Variants in SHANK2 observed in about 807,000 individuals in gnomAD.
The protein encoded by SHANK2 is SH3 and multiple ankyrin repeat domains protein 2.
SHANK2 carries 43 observed loss-of-function variants against 133.7 expected under a neutral mutation model. That is an observed-to-expected ratio of 0.32 (90% confidence interval 0.25 to 0.41). The LOEUF is 0.41. SHANK2 is among the 10% of genes least tolerant of loss of function. The pLI is 1.00. For missense variants in SHANK2, 1,994 were observed against 2,235.8 expected (o/e 0.89, Z 2.18); for synonymous variants, 1,017 against 952.8 (o/e 1.07, Z -1.24).
intron 10 of SHANK2, among the ~76,000 whole-genome samples, chr11:70,929,231 C>T (rs572098781): frequency 1.3e-5 from 2 of 152,118 alleles, no homozygotes; most frequent in Admixed American, 6.6e-5. Flanking sequence ...GACAGGATGC[C>T]GAGGTTTAAA....
intron 3 of SHANK2, among the ~76,000 whole-genome samples, chr11:71,139,607 G>A (rs2135375514): frequency 6.6e-6 from 1 of 152,278 alleles, no homozygotes; most frequent in Non-Finnish European, 1.5e-5. Context: ...AAATAACAGA[G>A]CTCACCAGTT....
At chr11:70,654,914 C>T (rs141541541) in intron 17 of SHANK2, among the ~76,000 whole-genome samples, 4,836 of 152,064 alleles carry the variant, frequency 0.032, 107 homozygotes, top group Non-Finnish European at 0.048. Context: ...ATTTCAGACA[C>T]GCACCACCAC....
intron 25 of SHANK2, chr11:70,477,315 C>G (rs1348259541): frequency 6.6e-6 from 1 of 152,262 alleles, no homozygotes; most frequent in Non-Finnish European, 1.5e-5. Flanking sequence ...GGGGCAGACC[C>G]TGGCTGAAAG....
chr11:70,763,754 G>A (rs1429689216), intron 14 of SHANK2, among the ~76,000 whole-genome samples: 2 of 152,134 alleles, frequency 1.3e-5, no homozygotes, highest in East Asian at 1.9e-4. Flanking sequence ...ACAGGAGGGT[G>A]TCACCCCTAG....
intron 14 of SHANK2, among the ~76,000 whole-genome samples, chr11:70,718,863 G>T (rs1946012407): frequency 1.3e-5 from 2 of 152,138 alleles, no homozygotes; most frequent in African/African-American, 4.8e-5. Context: ...AGAGTGTATG[G>T]CAGGGAGGCA....
chr11:70,502,241 C>T lies in SHANK2; in HGVS notation c.2243G>A (p.Arg748His), dbSNP rs932534804. The T allele has an allele frequency of 4.5e-6, 7 of 1,558,982 alleles. No homozygotes were observed. Among genetic ancestry groups the T allele is most frequent in the East Asian group, 2.3e-5 (1 of 42,576 alleles). The change falls in exon 19 of 26, where the codon CGC becomes CAC. Residue 748 changes from arginine to histidine, a missense_variant. Arg to His is a conservative substitution (Grantham distance 29). Around this residue, in one of 5 missense-constraint regions of SHANK2, gnomAD observed 488 missense variants for 642.6 expected, o/e 0.76. Transcript: ENST00000601538. Reference protein sequence around the residue: ...KRAPTTALTLRSKSMTSELEE... With the variant: ...KRAPTTALTLHSKSMTSELEE... ...CAGCTCCGAGGTCATGGACTTGGAG[C>T]GCAGGGTGAGGGCTGTGGTCGGTGC...
intron 9 of SHANK2, among the ~76,000 whole-genome samples, chr11:71,073,136 C>CTTTTCTTT (rs1951164763): frequency 3.6e-4 from 26 of 72,392 alleles, no homozygotes; most frequent in Non-Finnish European, 5.2e-4. Context: ...TGTTTTTTTT[C>CTTTTCTTT]TTTTTCTTTT....
chr11:70,507,055 A>G (rs1467029620), intron 17 of SHANK2, among the ~76,000 whole-genome samples: 1 of 152,230 alleles, frequency 6.6e-6, no homozygotes, highest in Non-Finnish European at 1.5e-5. Flanking sequence ...AAAGTCTAGA[A>G]TTTCAGTTTT....
chr11:70,502,493 T>C (rs2059069829), intron 18 of SHANK2, among the ~76,000 whole-genome samples: 1 of 151,864 alleles, frequency 6.6e-6, no homozygotes, highest in East Asian at 1.9e-4. Flanking sequence ...CAGGCCCTCA[T>C]GGGTGGGCCT....
At chr11:71,238,037 C>T (rs556839477) in intron 1 of SHANK2, among the ~76,000 whole-genome samples, 9 of 152,338 alleles carry the variant, frequency 5.9e-5, no homozygotes, top group Admixed American at 3.3e-4. Context: ...CATGCACACA[C>T]GGACTGAGGG....
At chr11:70,777,336 T>C (rs1282252868) in intron 14 of SHANK2, among the ~76,000 whole-genome samples, 1 of 148,834 alleles carries the variant, frequency 6.7e-6, no homozygotes, top group Non-Finnish European at 1.5e-5. Flanking sequence ...TCCATCCTTC[T>C]ACCTACCCAT....
At chr11:70,654,763 G>GTCT (rs1555011081) in intron 17 of SHANK2, among the ~76,000 whole-genome samples, 11 of 135,500 alleles carry the variant, frequency 8.1e-5, no homozygotes, top group African/African-American at 2.8e-4. Context: ...TTTTGTTTTT[G>GTCT]TTTTTTTTGT....
intron 8 of SHANK2, among the ~76,000 whole-genome samples, chr11:71,086,103 ATATAT>A (rs1348657125): frequency 1.7e-4 from 8 of 45,726 alleles, no homozygotes; most frequent in South Asian, 1.5e-3. Flanking sequence ...AAATTATATA[ATATAT>A]TATGTTATAT....
At chr11:71,224,270 C>T (rs1258366224) in intron 2 of SHANK2, among the ~76,000 whole-genome samples, 3 of 152,132 alleles carry the variant, frequency 2.0e-5, no homozygotes, top group South Asian at 4.1e-4. Context: ...CACCAGCCCA[C>T]GATCTGCCCT....
At chr11:70,861,141 T>G (rs1555067723) in intron 11 of SHANK2, among the ~76,000 whole-genome samples, 1 of 152,220 alleles carries the variant, frequency 6.6e-6, no homozygotes, top group East Asian at 1.9e-4. Flanking sequence ...AGGCCCAGGT[T>G]AGTAAATCCT....
At chr11:70,885,207 A>AACCGCGCG (rs1949720338) in intron 11 of SHANK2, among the ~76,000 whole-genome samples, 1 of 52,422 alleles carries the variant, frequency 1.9e-5, no homozygotes, top group Non-Finnish European at 8.6e-5. Context: ...GGAACCGCGC[A>AACCGCGCG]GGGACCGCAT....
At position 70,515,609 on chromosome 11, in the gene SHANK2, T is replaced by A. The variant is rs930223574; in HGVS notation, c.2062-12678A>T. Among the ~76,000 whole-genome samples the A allele has an allele frequency of 3.3e-5, 4 of 122,236 alleles. No individual in the cohort carries two copies. In the East Asian group the frequency reaches 1.0e-3, roughly 31 times the overall value. 80.2% of individuals were successfully genotyped at this position (122,236 alleles called of 152,430 possible). A position where few individuals can be genotyped will look rare whatever the true frequency, so the allele number is the denominator to read the frequency against. ...TTGAAGCCAGGAGTTTGAGACCTGCTGGGCAGCATAGTGAGACCTCGTTCC... is the reference window on the plus strand; with the variant it reads ...TTGAAGCCAGGAGTTTGAGACCTGCAGGGCAGCATAGTGAGACCTCGTTCC... On this transcript the variant is annotated intron_variant, in intron 17 of 25. Coordinates refer to ENST00000601538, the MANE Select transcript of SHANK2 (RefSeq NM_012309.5).
intron 10 of SHANK2, among the ~76,000 whole-genome samples, chr11:70,915,531 G>T (rs1056958587): frequency 5.3e-5 from 8 of 152,126 alleles, no homozygotes; most frequent in Non-Finnish European, 1.0e-4. Context: ...GCTAACATGG[G>T]ACTCAGTGAA....
Position 71,109,961 on chromosome 11 carries a change from A to C in SHANK2, c.572T>G (p.Phe191Cys). Reference sequence around the variant, plus strand: ...CTCACCTCCGGTCTCCGGGTCGTGGAAATTGGGATCCAGGCCTCGGTCCAG... The same window carrying C: ...CTCACCTCCGGTCTCCGGGTCGTGGCAATTGGGATCCAGGCCTCGGTCCAG... ...KMLDRGLDPN[F>C]HDPETGETPL... The change falls in exon 6 of 26, where the codon TTC becomes TGC. Residue 191 changes from phenylalanine (F) to cysteine (C), a missense_variant. Physicochemically the swap from Phe to Cys is radical, Grantham distance 205 (BLOSUM62 -2). Coordinates refer to ENST00000601538, the MANE Select transcript of SHANK2 (RefSeq NM_012309.5). 1 of 1,551,550 alleles carries C rather than the reference A, an allele frequency of 6.4e-7. No individual in the cohort carries two copies. Among genetic ancestry groups the C allele is most frequent in the Non-Finnish European group, 8.7e-7 (1 of 1,146,822 alleles).
Sources: allele counts gnomAD v4.1 joint callset (sites outside exome capture counted in the v4.1 genomes callset), GRCh38; gene constraint gnomAD v4.1.1; regional missense constraint gnomAD v4.1.1; transcripts MANE v1.5; gene names NCBI Gene and HGNC (gene_info 2026-07-23, HGNC 2026-07-21).